NBAS: variants seen among roughly 807,000 people sequenced by gnomAD.
NBAS encodes the protein NBAS subunit of NRZ tethering complex, also known as NAG/BC035112 fusion.
A neutral mutation model predicts 302.5 loss-of-function variants in NBAS; 219 were observed. That is an observed-to-expected ratio of 0.72 (90% CI 0.65 to 0.81). The LOEUF (loss-of-function observed/expected upper bound fraction) is 0.81. Ranked by LOEUF, NBAS falls within the 30% of genes least tolerant of loss-of-function variation. The pLI is 0.00. For missense variants in NBAS, 2,932 were observed against 2,841.6 expected (o/e 1.03, Z -0.72); for synonymous variants, 1,118 against 1,021.6 (o/e 1.09, Z -1.80).
At chr2:15,330,476 T>C in intron 36 of NBAS, 122 bp downstream of exon 36, 1 of 1,330,962 alleles carries the variant, frequency 7.5e-7, no homozygotes. Context: ...CCTACATTTC[T>C]TAAGAGATTG....
At chr2:15,297,414 G>A (rs1266779267) in intron 40 of NBAS, among the ~76,000 whole-genome samples, 1 of 152,168 alleles carries the variant, frequency 6.6e-6, no homozygotes, top group African/African-American at 2.4e-5. Context: ...ATCCCCATGT[G>A]CTGAAAAAGG....
At chr2:15,098,369 A>G in the NBAS span, among the ~76,000 whole-genome samples, 1 of 23,732 alleles carries the variant, frequency 4.2e-5, no homozygotes, top group Non-Finnish European at 6.2e-5. Flanking sequence ...ATTGTATATA[A>G]TATATTATAT....
chr2:15,205,138 T>C (rs1281306394), intron 48 of NBAS, among the ~76,000 whole-genome samples: 1 of 152,210 alleles, frequency 6.6e-6, no homozygotes, highest in Non-Finnish European at 1.5e-5. Context: ...TTAATTTTCA[T>C]TTTGCTTGTT....
chr2:14,989,360 C>T, the NBAS span, among the ~76,000 whole-genome samples: 5 of 149,688 alleles, frequency 3.3e-5, no homozygotes, highest in East Asian at 7.8e-4. Flanking sequence ...AAGTGCGAGA[C>T]CAGCCTGGCC....
the NBAS span, among the ~76,000 whole-genome samples, chr2:14,988,059 C>T: frequency 1.3e-5 from 2 of 152,152 alleles, no homozygotes; most frequent in Admixed American, 6.5e-5. Flanking sequence ...CTACTATTGC[C>T]GTGAAGAAAA....
At chr2:15,415,811 T>TC in intron 24 of NBAS, 92 bp from the exon 25 acceptor site, 1 of 1,341,372 alleles carries the variant, frequency 7.5e-7, no homozygotes, top group East Asian at 2.3e-5. Flanking sequence ...AGCTTACAGG[T>TC]CCTCAGACTG....
Position 15,511,285 on chromosome 2 carries a change from A to G in NBAS, c.812T>C (p.Leu271Pro). 1 of 1,614,128 alleles carries G rather than the reference A, an allele frequency of 6.2e-7. No homozygotes were observed. Residue 271 changes from leucine to proline, a missense_variant, in exon 10 of 52, where the codon CTT becomes CCT. By Grantham distance (98) the Leu-to-Pro change is moderately conservative. Transcript: ENST00000281513. ...VGMSKASSCG[L>P]SAWRVLSGSP... ...TCCTGAAAGAACTCTCCAGGCAGAA[A>G]GGCCACAGCTAGAAGCTTTTGACAT...
intron 44 of NBAS, among the ~76,000 whole-genome samples, chr2:15,247,835 T>TA (rs1464979370): frequency 6.6e-6 from 1 of 151,994 alleles, no homozygotes; most frequent in Admixed American, 6.6e-5. Context: ...CAAAGAGACT[T>TA]AGACTCCCAC....
In NBAS at chr2:15,398,169, G is replaced by T. The variant is rs1675967416; in HGVS notation, c.3072-1694C>A. On this transcript the variant is annotated intron_variant, in intron 26 of 51. Transcript: ENST00000281513. ...TTTGGTTTGGTTTTGTTTGAGACAG[G>T]GTTTTGCTCTGTCACCTAGGCTGGA... Among the ~76,000 whole-genome samples, 3 of 151,554 alleles carry T rather than the reference G, an allele frequency of 2.0e-5. No homozygotes were observed. In the South Asian group the frequency reaches 6.2e-4, roughly 32 times the overall value.
At chr2:15,098,347 A>G in the NBAS span, among the ~76,000 whole-genome samples, 1 of 1,852 alleles carries the variant, frequency 5.4e-4, no homozygotes, top group Non-Finnish European at 9.9e-4. Flanking sequence ...TATAATATAT[A>G]ATATATGATA....
At position 15,375,403 on chromosome 2, in the gene NBAS, G is replaced by A. The variant is rs552489815; in HGVS notation, c.3591-683C>T. Among the ~76,000 whole-genome samples, 4 of 152,322 alleles carry A rather than the reference G, an allele frequency of 2.6e-5. No individual in the cohort carries two copies. The East Asian group carries it at 7.7e-4, about 29-fold the overall frequency. ...AAGGTGTTTAGAGGAACATTGGAAT[G>A]TAAGATTAGAAAGACAGATCAGGCG... On this transcript the variant is annotated intron_variant, in intron 30 of 51. Coordinates refer to ENST00000281513, the MANE Select transcript of NBAS (RefSeq NM_015909.4).
rs7590340 is a variant in NBAS at position 15,461,317 on chromosome 2, C to T, written c.2223G>A (p.Leu741=). Residue 741 remains leucine (L), a synonymous_variant, in exon 21 of 52, where the codon CTG becomes CTA. Coordinates refer to ENST00000281513, the MANE Select transcript of NBAS (RefSeq NM_015909.4). ...TYAQESNVQA[L]EILFTYHGSD... ...AACCATGGTAAGTAAACAGAATTTCCAGGGCTTGTACATTACTTTCCTGTA... is the reference window on the plus strand; with the variant it reads ...AACCATGGTAAGTAAACAGAATTTCTAGGGCTTGTACATTACTTTCCTGTA... 0.65 allele frequency: 1,046,804 copies of T among 1,611,108 alleles called. 345,725 individuals carry two copies. Among genetic ancestry groups the T allele is most frequent in the Non-Finnish European group, 0.68 (799,210 of 1,177,712 alleles).
chr2:14,833,096 T>A, the NBAS span, among the ~76,000 whole-genome samples: 32 of 152,348 alleles, frequency 2.1e-4, 1 homozygote, highest in East Asian at 6.2e-3. Context: ...TATCTCAGAA[T>A]CTTTAAGACT....
At chr2:15,018,962 G>A in the NBAS span, among the ~76,000 whole-genome samples, 1 of 152,174 alleles carries the variant, frequency 6.6e-6, no homozygotes, top group South Asian at 2.1e-4. Flanking sequence ...CAGCCTTTGA[G>A]TGCTGTAAGT....
At chr2:15,006,784 A>G in the NBAS span, among the ~76,000 whole-genome samples, 1 of 152,236 alleles carries the variant, frequency 6.6e-6, no homozygotes, top group Admixed American at 6.5e-5. Flanking sequence ...ATGCATGTCC[A>G]GCCATCAGCA....
chr2:15,312,159 C>T (rs938214387), intron 38 of NBAS, among the ~76,000 whole-genome samples: 4 of 152,312 alleles, frequency 2.6e-5, no homozygotes, highest in South Asian at 2.1e-4. Flanking sequence ...CCTCTGTGTG[C>T]GTCACCAGAT....
chr2:15,067,846 A>G, the NBAS span, among the ~76,000 whole-genome samples: 7 of 152,330 alleles, frequency 4.6e-5, no homozygotes, highest in African/African-American at 1.7e-4. Flanking sequence ...CAATAAAAAT[A>G]TAAATATGTA....
At chr2:15,320,785 G>C (rs1235550877) in intron 38 of NBAS, among the ~76,000 whole-genome samples, 1 of 152,126 alleles carries the variant, frequency 6.6e-6, no homozygotes, top group Non-Finnish European at 1.5e-5. Flanking sequence ...CTTATGGATA[G>C]GAAAAATCAA....
At chr2:15,220,692 G>A (rs1246527681) in intron 47 of NBAS, among the ~76,000 whole-genome samples, 10 of 152,226 alleles carry the variant, frequency 6.6e-5, no homozygotes, top group Admixed American at 2.6e-4. Context: ...TATCCATACA[G>A]GAGACTCACT....
Sources: allele counts gnomAD v4.1 joint callset (sites outside exome capture counted in the v4.1 genomes callset), GRCh38; gene constraint gnomAD v4.1.1; transcripts MANE v1.5; gene names NCBI Gene and HGNC (gene_info 2026-07-23, HGNC 2026-07-21).